Variants in SSBP3 observed in about 807,000 individuals in gnomAD.
The protein encoded by SSBP3 is single stranded DNA binding protein 3, also known as single-stranded DNA-binding protein 3.
Under a neutral mutation model 69.6 loss-of-function variants are expected in SSBP3, and 5 were observed. The observed-to-expected ratio is 0.07, with a 90% CI of 0.04 to 0.15. The LOEUF is 0.15. Among genes scored for constraint, SSBP3 ranks in the 10% least tolerant of loss-of-function variants. SSBP3 has a pLI of 1.00. For synonymous variants in SSBP3, 196 were observed against 193.4 expected (o/e 1.01, Z -0.11); for missense variants, 312 against 534.0 (o/e 0.58, Z 4.10).
chr1:54,315,600 TA>T (rs552733178), intron 4 of SSBP3, among the ~76,000 whole-genome samples: 4,715 of 135,964 alleles, frequency 0.035, 112 homozygotes, highest in African/African-American at 0.081. Context: ...TTTTTTAATT[TA>T]AAAAAAAAAA....
At chr1:54,399,605 G>A (rs146015145) in intron 4 of SSBP3, among the ~76,000 whole-genome samples, 2 of 152,240 alleles carry the variant, frequency 1.3e-5, no homozygotes, top group East Asian at 1.9e-4. Flanking sequence ...CCAAGAAGGA[G>A]GTCTTAAAAG....
At chr1:54,287,731 G>A (rs186485785) in intron 4 of SSBP3, among the ~76,000 whole-genome samples, 5 of 152,228 alleles carry the variant, frequency 3.3e-5, no homozygotes, top group South Asian at 2.1e-4. Context: ...GGAAGCGACC[G>A]GGGGAATGTC....
intron 14 of SSBP3, among the ~76,000 whole-genome samples, chr1:54,229,871 C>T (rs1377839041): frequency 2.0e-5 from 3 of 152,218 alleles, no homozygotes; most frequent in Admixed American, 6.5e-5. Flanking sequence ...GGATACCCAA[C>T]TACCCCACAG....
intron 4 of SSBP3, among the ~76,000 whole-genome samples, chr1:54,344,985 G>C (rs1169355167): frequency 6.6e-6 from 1 of 152,218 alleles, no homozygotes; most frequent in Non-Finnish European, 1.5e-5. Context: ...GCACTGAGGA[G>C]ACGTATAATT....
intron 7 of SSBP3, among the ~76,000 whole-genome samples, chr1:54,255,055 A>G (rs931599356): frequency 1.4e-5 from 2 of 146,972 alleles, no homozygotes; most frequent in South Asian, 2.1e-4. Context: ...CCAGTCTCGA[A>G]CTCCTGATCA....
At chr1:54,253,186 G>GTT (rs1491370826) in intron 7 of SSBP3, among the ~76,000 whole-genome samples, 1,277 of 115,136 alleles carry the variant, frequency 0.011, 81 homozygotes, top group African/African-American at 0.043. Context: ...TTTTTTTTTA[G>GTT]TTTTTGTTTT....
chr1:54,306,889 G>C (rs571104981), intron 4 of SSBP3, among the ~76,000 whole-genome samples: 6 of 152,170 alleles, frequency 3.9e-5, no homozygotes, highest in Admixed American at 2.0e-4. Flanking sequence ...AGTGGACAGA[G>C]GTGGCATGCG....
rs535782228 is a variant in SSBP3, at chr1:54,252,254, C to T, written c.508-394G>A. ...CCACTCCCTCCTTCTGCCCAAACCC[C>T]ATCTTGCCTTTGTCTCACAGACACA... On this transcript the variant is annotated intron_variant, in intron 7 of 17. Transcript: ENST00000610401. Among the ~76,000 whole-genome samples the T allele has an allele frequency of 6.6e-5, 10 of 152,370 alleles. No homozygotes were observed. In the East Asian group the frequency reaches 1.9e-3, roughly 29 times the overall value.
At chr1:54,240,483 G>T (rs1466913339) in intron 13 of SSBP3, among the ~76,000 whole-genome samples, 1 of 101,640 alleles carries the variant, frequency 9.8e-6, no homozygotes, top group Non-Finnish European at 2.0e-5. Context: ...GGGGGGGGGG[G>T]CGGGGGGGAG....
At chr1:54,406,377 C>T in exon 1 of SSBP3, 1 of 165,226 alleles carries the variant, frequency 6.1e-6, no homozygotes, top group Non-Finnish European at 1.3e-5. Flanking sequence ...CCGCCGCCGC[C>T]GCCGCCGCCG....
chr1:54,387,810 G>A (rs1302280193), intron 4 of SSBP3, among the ~76,000 whole-genome samples: 2 of 152,112 alleles, frequency 1.3e-5, no homozygotes, highest in Non-Finnish European at 2.9e-5. Context: ...ACTTCAGAGT[G>A]AGCTTCAGCT....
chr1:54,392,862 C>T (rs536792804), intron 4 of SSBP3, among the ~76,000 whole-genome samples: 2 of 152,328 alleles, frequency 1.3e-5, no homozygotes, highest in East Asian at 1.9e-4. Context: ...TCCTTCCAGG[C>T]AGCTGGTAAC....
At chr1:54,362,114 C>T (rs1646960380) in intron 4 of SSBP3, among the ~76,000 whole-genome samples, 1 of 152,220 alleles carries the variant, frequency 6.6e-6, no homozygotes, top group Non-Finnish European at 1.5e-5. Context: ...TCTTTACCAT[C>T]ATGGTAAGGA....
chr1:54,258,441 T>C lies in SSBP3; in HGVS notation c.367-292A>G, dbSNP rs1299217947. On this transcript the variant is annotated intron_variant, in intron 5 of 17. Transcript: ENST00000610401. This position sits in a 1 kb window ranked among gnomAD's most constrained non-coding sequence, Gnocchi z 4.5. ...CGGGAGTACAGTCCTGGACACAGCCTACCCTTGGAGCGGAGTTTGCCATGT... is the reference window on the plus strand; with the variant it reads ...CGGGAGTACAGTCCTGGACACAGCCCACCCTTGGAGCGGAGTTTGCCATGT... Among the ~76,000 whole-genome samples the C allele has an allele frequency of 6.6e-6, 1 of 152,174 alleles. No homozygotes were observed. Among genetic ancestry groups the C allele is most frequent in the Non-Finnish European group, 1.5e-5 (1 of 68,034 alleles).
intron 9 of SSBP3, among the ~76,000 whole-genome samples, chr1:54,249,073 C>G (rs1269648458): frequency 1.3e-5 from 2 of 152,114 alleles, no homozygotes; most frequent in African/African-American, 4.8e-5. Flanking sequence ...ACCCTCACTT[C>G]TTTAAAGTGT....
intron 4 of SSBP3, among the ~76,000 whole-genome samples, chr1:54,291,479 G>A (rs1291976757): frequency 8.7e-6 from 1 of 114,356 alleles, no homozygotes; most frequent in Non-Finnish European, 2.1e-5. Context: ...CCACCCCAGC[G>A]CACAGTTGCC....
intron 5 of SSBP3, among the ~76,000 whole-genome samples, chr1:54,262,808 T>C (rs1036727103): frequency 6.6e-6 from 1 of 152,172 alleles, no homozygotes; most frequent in Non-Finnish European, 1.5e-5. Context: ...TGCAGGGTGA[T>C]GGCAGCAGGA....
chr1:54,393,226 C>T (rs1648624130), intron 4 of SSBP3, among the ~76,000 whole-genome samples: 1 of 152,164 alleles, frequency 6.6e-6, no homozygotes, highest in South Asian at 2.1e-4. Flanking sequence ...AGCACCAGGG[C>T]TGGTTTGGAA....
chr1:54,336,762 G>A (rs972719782), intron 4 of SSBP3, among the ~76,000 whole-genome samples: 3 of 152,144 alleles, frequency 2.0e-5, no homozygotes, highest in Non-Finnish European at 2.9e-5. Flanking sequence ...GCATCAGCAT[G>A]TGGCTCACAA....
Sources: allele counts gnomAD v4.1 joint callset (sites outside exome capture counted in the v4.1 genomes callset), GRCh38; gene constraint gnomAD v4.1.1; non-coding constraint Gnocchi (gnomAD v3.1); transcripts MANE v1.5; gene names NCBI Gene and HGNC (gene_info 2026-07-23, HGNC 2026-07-21).